Variants in KIF1B observed in about 807,000 individuals in gnomAD.
The protein encoded by KIF1B is kinesin-like protein KIF1B.
KIF1B carries 76 observed loss-of-function variants against 241.9 expected under a neutral mutation model. That is an observed-to-expected ratio of 0.31 (90% CI 0.26 to 0.38). KIF1B has a LOEUF of 0.38. Ranked by LOEUF, KIF1B falls within the 10% of genes least tolerant of loss-of-function variation. The pLI, the probability that KIF1B is intolerant of heterozygous loss-of-function variation, is 1.00. For missense variants in KIF1B, 1,622 were observed against 2,271.4 expected, an observed-to-expected ratio of 0.71 and a Z score of 5.81; for synonymous variants, 750 against 796.7, an observed-to-expected ratio of 0.94 and a Z score of 0.99.
chr1:10,226,988 C>T (rs1199148681), intron 1 of KIF1B, among the ~76,000 whole-genome samples: 4 of 143,090 alleles, frequency 2.8e-5, no homozygotes, highest in Non-Finnish European at 4.6e-5. Flanking sequence ...AACAAACAAA[C>T]AAAAAAATAC....
At chr1:10,224,149 C>T (rs1333885382) in intron 1 of KIF1B, among the ~76,000 whole-genome samples, 2 of 151,882 alleles carry the variant, frequency 1.3e-5, no homozygotes, top group African/African-American at 4.8e-5. Flanking sequence ...GAGTCTCGCT[C>T]TGTTGCCCAG....
chr1:10,278,681 T>C (rs1168639788), intron 13 of KIF1B: 2 of 184,012 alleles, frequency 1.1e-5, no homozygotes, highest in East Asian at 1.4e-4. Flanking sequence ...GTTCAAGAAC[T>C]ACACTTCCAG....
intron 1 of KIF1B, among the ~76,000 whole-genome samples, chr1:10,228,099 T>G (rs1257538546): frequency 6.6e-6 from 1 of 150,930 alleles, no homozygotes; most frequent in Admixed American, 6.6e-5. Flanking sequence ...GCAGGAGAAT[T>G]GCTTGAATCC....
chr1:10,321,684 A>G, intron 23 of KIF1B, 25 bp from the exon 24 acceptor site: 1 of 1,612,330 alleles, frequency 6.2e-7, no homozygotes, highest in Non-Finnish European at 8.5e-7. Context: ...GATTGCCATT[A>G]AATATGCATC....
chr1:10,307,043 G>A (rs1006424398), intron 22 of KIF1B: 194 of 1,039,144 alleles, frequency 1.9e-4, no homozygotes, highest in Non-Finnish European at 2.2e-4. Context: ...GTTTATATTT[G>A]TGCTTCATCT....
rs145310372 is a variant in KIF1B at position 10,224,110 on chromosome 1, C to A, written c.-79-8140C>A. ...TGTGAGTCAGAGTGTACAGCCCTGA[C>A]CGTGGTTTTTGTTTGTTTGTTTGAG... On this transcript the variant is annotated intron_variant, in intron 1 of 48. Coordinates refer to ENST00000676179, the MANE Select transcript of KIF1B (RefSeq NM_001365951.3). Among the ~76,000 whole-genome samples the A allele has an allele frequency of 8.6e-5, 13 of 151,916 alleles. No homozygotes were observed. In the South Asian group the frequency reaches 1.9e-3, roughly 22 times the overall value.
At chr1:10,340,021 G>A (rs1652332781) in intron 32 of KIF1B, among the ~76,000 whole-genome samples, 162 bp downstream of exon 32, 2 of 152,198 alleles carry the variant, frequency 1.3e-5, no homozygotes, top group African/African-American at 4.8e-5. Flanking sequence ...ACAGCGGCCT[G>A]AGCAGCAAGC....
rs543681346 is a variant in KIF1B, at chr1:10,303,504, G to A, written c.2115+6258G>A. ...TCAAGATGAAGGAGCTTTGTGCCAT[G>A]TATGGCAAGAAAGACCCCAATGAGC... On this transcript the variant is annotated intron_variant, in intron 22 of 48. Coordinates refer to ENST00000676179, the MANE Select transcript of KIF1B (RefSeq NM_001365951.3). This position sits in a 1 kb window ranked among gnomAD's most constrained non-coding sequence, Gnocchi z 5.2. The A allele has an allele frequency of 7.4e-6, 12 of 1,614,054 alleles. No homozygotes were observed. The highest frequency in any genetic ancestry group is 9.3e-6 in the Non-Finnish European group (11 of 1,180,026).
At chr1:10,259,176 T>G (rs1282401506) in intron 4 of KIF1B, among the ~76,000 whole-genome samples, 5 of 151,660 alleles carry the variant, frequency 3.3e-5, no homozygotes, top group Non-Finnish European at 7.4e-5. Context: ...TTTAGAACAG[T>G]TAGTATTATT....
chr1:10,339,746 G>A (rs754974212), intron 31 of KIF1B, 23 bp from the exon 32 acceptor site: 40 of 1,604,234 alleles, frequency 2.5e-5, no homozygotes, highest in Non-Finnish European at 3.3e-5. Context: ...TTGTTCACGA[G>A]TCTTTTTATT....
At chr1:10,274,231 C>T (rs1648982033) in intron 10 of KIF1B, among the ~76,000 whole-genome samples, 1 of 152,164 alleles carries the variant, frequency 6.6e-6, no homozygotes, top group African/African-American at 2.4e-5. Flanking sequence ...AGCCACTGTG[C>T]CCGGCCTCCC....
At position 10,378,216 on chromosome 1, in the gene KIF1B, G is replaced by T. The variant is rs574833964; in HGVS notation, c.*1629G>T. The T allele has an allele frequency of 2.9e-6, 2 of 679,720 alleles. No individual in the cohort carries two copies. The highest frequency in any genetic ancestry group is 2.7e-5 in the East Asian group (1 of 37,012). The allele number at this position is 679,720 out of a possible 1,614,324, so 42.1% of individuals were successfully genotyped here. On this transcript the variant is annotated 3_prime_UTR_variant, in exon 49 of 49. Coordinates refer to ENST00000676179, the MANE Select transcript of KIF1B (RefSeq NM_001365951.3). ...AATATGCCTAGGGGCACGGATGAAC[G>T]TCCAGGGAGCCCGGGCCCCAGGCTT...
chr1:10,296,484 T>G (rs2102257900), intron 19 of KIF1B, 98 bp from the exon 20 acceptor site: 1 of 999,534 alleles, frequency 1.0e-6, no homozygotes, highest in South Asian at 1.4e-5. Context: ...TTGCAGGGAT[T>G]TATTCTACTT....
intron 19 of KIF1B, among the ~76,000 whole-genome samples, chr1:10,295,967 T>G (rs1650242758): frequency 7.5e-6 from 1 of 132,958 alleles, no homozygotes; most frequent in South Asian, 2.3e-4. Flanking sequence ...AAAGAAGCCC[T>G]TTTTTACTGC....
intron 1 of KIF1B, among the ~76,000 whole-genome samples, chr1:10,216,229 C>T (rs975694188): frequency 1.3e-5 from 2 of 152,184 alleles, no homozygotes; most frequent in Non-Finnish European, 2.9e-5. Context: ...ACATTGGCTT[C>T]ATTCTGTTCC....
intron 20 of KIF1B, 54 bp downstream of exon 20, chr1:10,296,719 C>T (rs1650282726): frequency 2.0e-6 from 3 of 1,531,464 alleles, no homozygotes; most frequent in Non-Finnish European, 2.7e-6. Flanking sequence ...GCTTCTGTGA[C>T]AACTCTAATT....
chr1:10,360,884 CTT>C (rs1638403527), intron 38 of KIF1B, 43 bp from the exon 39 acceptor site: 1 of 1,360,134 alleles, frequency 7.4e-7, no homozygotes, highest in South Asian at 1.2e-5. Flanking sequence ...ACTAACGTGA[CTT>C]TAGCTTCTTT....
At chr1:10,370,643 A>AAATAATAATAATAATAAT (rs200343928) in intron 44 of KIF1B, among the ~76,000 whole-genome samples, 4,457 of 147,882 alleles carry the variant, frequency 0.03, 135 homozygotes, top group East Asian at 0.15. Context: ...TCGAGAAAGA[A>AAATAATAATAATAATAAT]AATAATAATA....
rs146177892 is a variant in KIF1B, at chr1:10,371,171, C to G, written c.4855C>G (p.Pro1619Ala). The change falls in exon 45 of 49, where the codon CCC becomes GCC. Residue 1619 changes from proline (P) to alanine (A), a missense_variant. Physicochemically the swap from Pro to Ala is conservative, Grantham distance 27. Coordinates refer to ENST00000676179, the MANE Select transcript of KIF1B (RefSeq NM_001365951.3). ...LSDISPIGRDPSESSFSSATL... is the reference protein window; with the variant it reads ...LSDISPIGRDASESSFSSATL... ...TGATATCTCTCCAATTGGACGGGAT[C>G]CCTCTGAGTCCAGTTTCAGCAGTGC... 40 of 1,614,082 alleles carry G rather than the reference C, an allele frequency of 2.5e-5. No individual in the cohort carries two copies. The African/African-American group carries it at 5.3e-4, about 22-fold the overall frequency.
Sources: gnomAD v4.1 joint callset for allele counts (sites outside exome capture counted in the v4.1 genomes callset) on GRCh38, gnomAD v4.1.1 for gene constraint, Gnocchi (gnomAD v3.1) non-coding constraint, MANE v1.5 for transcripts, NCBI Gene and HGNC (gene_info 2026-07-23, HGNC 2026-07-21) for gene names.